The following MSI2 variants were observed in gnomAD, a reference collection of about 807,000 sequenced individuals.
The protein encoded by MSI2 is musashi RNA binding protein 2.
MSI2 carries 17 observed loss-of-function variants against 45.6 expected under a neutral mutation model. The observed-to-expected ratio is 0.37, with a 90% confidence interval of 0.26 to 0.56. The LOEUF (loss-of-function observed/expected upper bound fraction) is 0.56, where lower values mean the gene tolerates loss of function less well. Ranked by LOEUF, MSI2 falls within the 20% of genes least tolerant of loss-of-function variation. The pLI is 0.77. For missense variants in MSI2, 293 were observed against 444.2 expected (o/e 0.66, Z 3.06); for synonymous variants, 156 against 158.2 (o/e 0.99, Z 0.11).
chr17:57,393,767 C>T (rs145785372), intron 5 of MSI2, among the ~76,000 whole-genome samples: 30 of 152,296 alleles, frequency 2.0e-4, no homozygotes, highest in African/African-American at 5.3e-4. Context: ...CTGTAACCTC[C>T]GCCTCCCGGG....
chr17:57,574,177 A>C (rs2087952473), intron 7 of MSI2, among the ~76,000 whole-genome samples: 1 of 152,112 alleles, frequency 6.6e-6, no homozygotes. Flanking sequence ...AGCCCCAGCA[A>C]TGCCGCTGCT....
chr17:57,299,078 A>T, intron 5 of MSI2, among the ~76,000 whole-genome samples: 1 of 152,238 alleles, frequency 6.6e-6, no homozygotes, highest in East Asian at 1.9e-4. Context: ...AAATCTCATG[A>T]ACCAACTTTG....
chr17:57,626,579 G>A (rs1908828411), intron 9 of MSI2: 1 of 152,410 alleles, frequency 6.6e-6, no homozygotes, highest in Non-Finnish European at 1.5e-5. Context: ...CGCTTGTGGT[G>A]AAACGCCCAT....
chr17:57,668,681 C>T (rs1369655702), intron 11 of MSI2, among the ~76,000 whole-genome samples: 1 of 152,182 alleles, frequency 6.6e-6, no homozygotes, highest in Non-Finnish European at 1.5e-5. Context: ...TACATCAAGA[C>T]TAGCATGATG....
intron 6 of MSI2, among the ~76,000 whole-genome samples, chr17:57,519,436 G>A (rs2086538566): frequency 6.6e-6 from 1 of 152,134 alleles, no homozygotes; most frequent in African/African-American, 2.4e-5. Flanking sequence ...ACGGGGCGGG[G>A]AGACTCGCAT....
chr17:57,616,828 G>A (rs1907760245), intron 9 of MSI2, among the ~76,000 whole-genome samples: 1 of 152,224 alleles, frequency 6.6e-6, no homozygotes. Flanking sequence ...GCGTAATGGT[G>A]TAGGTCGCAA....
At chr17:57,425,547 CCATGTGATTGTACCCTACATGGT>C (rs1420994928) in intron 6 of MSI2, among the ~76,000 whole-genome samples, 1 of 152,168 alleles carries the variant, frequency 6.6e-6, no homozygotes, top group Admixed American at 6.5e-5. Flanking sequence ...AGGCATTTTT[CCATGTGATTGTACCCTACATGGT>C]CATATTTGTT....
At chr17:57,285,463 G>A (rs971131840) in intron 5 of MSI2, among the ~76,000 whole-genome samples, 2 of 152,240 alleles carry the variant, frequency 1.3e-5, no homozygotes, top group Admixed American at 6.5e-5. Context: ...ACGGTGAACC[G>A]CATTGTCTCA....
chr17:57,423,644 C>A (rs2084436949), intron 6 of MSI2, among the ~76,000 whole-genome samples: 1 of 152,170 alleles, frequency 6.6e-6, no homozygotes, highest in Non-Finnish European at 1.5e-5. Flanking sequence ...TTAAAGTATG[C>A]CTGTTGATTT....
At chr17:57,339,425 T>G (rs1053547235) in intron 5 of MSI2, among the ~76,000 whole-genome samples, 1 of 152,178 alleles carries the variant, frequency 6.6e-6, no homozygotes, top group Admixed American at 6.5e-5. Flanking sequence ...AGCTCCTGCC[T>G]CCACTTGCGT....
chr17:57,526,365 G>C (rs957701905), intron 6 of MSI2, among the ~76,000 whole-genome samples: 16 of 80,972 alleles, frequency 2.0e-4, no homozygotes, highest in African/African-American at 2.8e-4. Context: ...GGGTGTGTGT[G>C]TGTGTGTGTG....
chr17:57,375,694 C>T (rs1287534628), intron 5 of MSI2, among the ~76,000 whole-genome samples: 1 of 152,146 alleles, frequency 6.6e-6, no homozygotes, highest in Non-Finnish European at 1.5e-5. Context: ...AGAATGGAGG[C>T]ACAGAGGCCA....
chr17:57,329,922 TTTTTTG>T (rs1368122967), intron 5 of MSI2, among the ~76,000 whole-genome samples: 8 of 151,974 alleles, frequency 5.3e-5, no homozygotes, highest in Admixed American at 2.0e-4. Flanking sequence ...CCTATTAAAG[TTTTTTG>T]TTTTTGTTTT....
intron 5 of MSI2, among the ~76,000 whole-genome samples, chr17:57,357,810 A>G (rs1341384782): frequency 6.6e-6 from 1 of 152,206 alleles, no homozygotes; most frequent in African/African-American, 2.4e-5. Flanking sequence ...CAAGGGAGAA[A>G]TGCTTAGTGT....
In MSI2 at chr17:57,258,373, T is replaced by A. The variant is rs758351982; in HGVS notation, c.270+19T>A. On this transcript the variant is annotated intron_variant, in intron 4 of 13. Transcript: ENST00000284073. ...CAAGACGGTAGGTTGCTTTTTGTTG[T>A]TGTTGTTCGCCCCTTTTCAGGAACG... 2 of 1,600,888 alleles carry A rather than the reference T, an allele frequency of 1.2e-6. No individual in the cohort carries two copies. The highest frequency in any genetic ancestry group is 1.7e-6 in the Non-Finnish European group (2 of 1,167,964).
intron 5 of MSI2, among the ~76,000 whole-genome samples, chr17:57,354,887 G>A (rs1365096806): frequency 6.6e-6 from 1 of 152,212 alleles, no homozygotes; most frequent in Non-Finnish European, 1.5e-5. Flanking sequence ...TAGAAGGCAA[G>A]AGTGGAAGTG....
intron 6 of MSI2, among the ~76,000 whole-genome samples, chr17:57,510,390 C>A: frequency 7.3e-6 from 1 of 137,186 alleles, no homozygotes; most frequent in Admixed American, 7.6e-5. Context: ...AATAATGTTG[C>A]ACTCCTCTTG....
At chr17:57,301,562 C>A (rs917551109) in intron 5 of MSI2, among the ~76,000 whole-genome samples, 4 of 152,232 alleles carry the variant, frequency 2.6e-5, no homozygotes, top group Non-Finnish European at 4.4e-5. Context: ...GGTTTGCCTG[C>A]TTTTCACCCT....
At chr17:57,568,768 T>A (rs1231390884) in intron 7 of MSI2, among the ~76,000 whole-genome samples, 1 of 152,008 alleles carries the variant, frequency 6.6e-6, no homozygotes, top group African/African-American at 2.4e-5. Flanking sequence ...AGGAGGGGAG[T>A]ACCTGTGGCC....
Sources: gnomAD v4.1 joint callset for allele counts (sites outside exome capture counted in the v4.1 genomes callset) on GRCh38, gnomAD v4.1.1 for gene constraint, MANE v1.5 for transcripts, NCBI Gene and HGNC (gene_info 2026-07-23, HGNC 2026-07-21) for gene names.